Variants in TUBE1 observed in about 807,000 individuals in gnomAD.
TUBE1 encodes the protein tubulin epsilon chain.
In TUBE1, 34 loss-of-function variants were observed where a neutral mutation model predicts 53.5. The observed-to-expected ratio is 0.64, with a 90% CI of 0.48 to 0.85. The LOEUF (loss-of-function observed/expected upper bound fraction) is 0.85. TUBE1 is among the 40% of genes least tolerant of loss of function. The pLI, the probability that TUBE1 is intolerant of heterozygous loss-of-function variation, is 0.00. For missense variants in TUBE1, 532 were observed against 570.5 expected (o/e 0.93, Z 0.69); for synonymous variants, 177 against 198.4 (o/e 0.89, Z 0.91).
chr6:112,085,587 G>T (rs1377726208), intron 3 of TUBE1: 2 of 454,474 alleles, frequency 4.4e-6, no homozygotes, highest in Non-Finnish European at 9.1e-6. Context: ...GGATATTGTG[G>T]GCTACAAATA....
chr6:112,075,392 T>G (rs1554315903), intron 8 of TUBE1: 1 of 152,326 alleles, frequency 6.6e-6, no homozygotes, highest in African/African-American at 2.4e-5. Context: ...GTGTAATCAA[T>G]ATACTATTAT....
chr6:112,085,938 A>G (rs1583599849), intron 3 of TUBE1, among the ~76,000 whole-genome samples: 2 of 152,336 alleles, frequency 1.3e-5, no homozygotes, highest in Admixed American at 6.5e-5. Context: ...AACTGCTCAC[A>G]CACCCAGCCA....
At chr6:112,077,630 A>T (rs1776994462) in intron 6 of TUBE1, 1 of 152,176 alleles carries the variant, frequency 6.6e-6, no homozygotes. Flanking sequence ...CCAATGTTCT[A>T]ATCCATGCAG....
chr6:112,080,310 A>G (rs1163923390), intron 5 of TUBE1, among the ~76,000 whole-genome samples: 1 of 152,088 alleles, frequency 6.6e-6, no homozygotes, highest in Admixed American at 6.5e-5. Context: ...AAATTTGCAA[A>G]TATCACTATG....
At chr6:112,079,993 G>A (rs1583596148) in intron 5 of TUBE1, among the ~76,000 whole-genome samples, 1 of 151,532 alleles carries the variant, frequency 6.6e-6, no homozygotes, top group African/African-American at 2.4e-5. Context: ...CTCATTAGTA[G>A]TGAATATTAA....
In TUBE1 at chr6:112,076,380, A is replaced by G; in HGVS notation, c.578T>C (p.Ile193Thr). The G allele has an allele frequency of 6.2e-7, 1 of 1,609,452 alleles. No individual in the cohort carries two copies. The highest frequency in any genetic ancestry group is 8.5e-7 in the Non-Finnish European group (1 of 1,178,164). ...DDVITSPYNS[I>T]LAMKELNEHA... Reference sequence around the variant, plus strand: ...CTCATTAAGTTCCTTCATTGCCAAGATGCTATTATAAGGTGAGGTTATGAC... The same window carrying G: ...CTCATTAAGTTCCTTCATTGCCAAGGTGCTATTATAAGGTGAGGTTATGAC... Residue 193 changes from isoleucine to threonine, a missense_variant, in exon 7 of 12, where the codon ATC (isoleucine) becomes ACC (threonine). Ile to Thr is a moderately conservative substitution (Grantham distance 89). Coordinates refer to ENST00000368662, the MANE Select transcript of TUBE1 (RefSeq NM_016262.5).
chr6:112,074,601 A>G, intron 9 of TUBE1, 109 bp downstream of exon 9: 3 of 751,176 alleles, frequency 4.0e-6, no homozygotes, highest in African/African-American at 1.8e-5. Flanking sequence ...ACTCTCACAG[A>G]TAAGATGATA....
rs587648101 is a variant in TUBE1, at chr6:112,075,986, A to G, written c.763T>C (p.Phe255Leu). 3 of 1,613,882 alleles carry G rather than the reference A, an allele frequency of 1.9e-6. No homozygotes were observed. In the South Asian group the frequency reaches 3.3e-5, roughly 18 times the overall value. Residue 255 changes from phenylalanine (F) to leucine (L), a missense_variant, in exon 8 of 12, where the codon TTT becomes CTT. Phe to Leu is a conservative substitution (Grantham distance 22). Coordinates refer to ENST00000368662, the MANE Select transcript of TUBE1 (RefSeq NM_016262.5). ...GCCACAATGTTATTCATTGCATCAA[A>G]GGGCTTCTTATGCTGCTTTTTTAAA... ...GALKKQHKKP[F>L]DAMNNIVANL... is the part of the protein sequence containing the mutation.
intron 9 of TUBE1, among the ~76,000 whole-genome samples, chr6:112,074,124 C>T (rs1454225182): frequency 5.3e-5 from 8 of 152,230 alleles, no homozygotes; most frequent in Admixed American, 2.6e-4. Context: ...GTGAATGCCA[C>T]TGTGAACTTT....
At chr6:112,081,336 C>T (rs1230544037) in intron 4 of TUBE1, 129 bp from the exon 5 acceptor site, 12 of 433,236 alleles carry the variant, frequency 2.8e-5, no homozygotes, top group Admixed American at 4.2e-5. Context: ...AAAATCTTTA[C>T]GTAGAATCTG....
At chr6:112,071,877 A>C (rs373864216) in intron 11 of TUBE1, 25 bp downstream of exon 11, 1 of 1,563,814 alleles carries the variant, frequency 6.4e-7, no homozygotes, top group Non-Finnish European at 8.6e-7. Flanking sequence ...AAACACATAC[A>C]GTTACAAAGC....
Position 112,072,067 on chromosome 6 carries a change from T to A in TUBE1, c.1104A>T (p.Pro368=). ...GATTCCAGGAGACAAATTGTAGAGA[T>A]GGTTTTAATCTGAGATTAAAAAAAA... The part of the protein sequence containing the change: ...DLRRNIERLK[P]SLQFVSWNQE... The change falls in exon 11 of 12, where the codon CCA becomes CCT. Residue 368 remains proline (P), a synonymous_variant. Coordinates refer to ENST00000368662, the MANE Select transcript of TUBE1 (RefSeq NM_016262.5). 6.3e-7 allele frequency: 1 copy of A among 1,590,626 alleles called. No homozygotes were observed. Among genetic ancestry groups the A allele is most frequent in the African/African-American group, 1.4e-5 (1 of 73,000 alleles).
rs967480887 is a variant in TUBE1, at chr6:112,071,828, T to C, written c.1269+74A>G. Reference sequence around the variant, plus strand: ...AGAAAACATCACCCCTGATTTGTAATAGTGTAATTTTTAAGAATACATCTT... The same window carrying C: ...AGAAAACATCACCCCTGATTTGTAACAGTGTAATTTTTAAGAATACATCTT... On this transcript the variant is annotated intron_variant, in intron 11 of 11. Transcript: ENST00000368662. 2.5e-5 allele frequency: 35 copies of C among 1,382,788 alleles called. No homozygotes were observed. The African/African-American group carries it at 5.0e-4, about 20-fold the overall frequency. The allele number at this position is 1,382,788 out of a possible 1,614,324, so 85.7% of individuals were successfully genotyped here.
At chr6:112,076,562 G>C in intron 6 of TUBE1, 53 bp from the exon 7 acceptor site, 4 of 1,459,060 alleles carry the variant, frequency 2.7e-6, no homozygotes, top group Non-Finnish European at 3.7e-6. Context: ...GAATATAATT[G>C]TGAAGAATTT....
chr6:112,081,937 T>C (rs1255607290), intron 4 of TUBE1, among the ~76,000 whole-genome samples: 3 of 150,748 alleles, frequency 2.0e-5, no homozygotes, highest in Non-Finnish European at 4.4e-5. Context: ...GGAAGAAGAG[T>C]AAAAAAGTAA....
At chr6:112,074,348 T>C (rs1188192076) in intron 9 of TUBE1, among the ~76,000 whole-genome samples, 9 of 143,822 alleles carry the variant, frequency 6.3e-5, no homozygotes, top group Non-Finnish European at 1.3e-4. Flanking sequence ...CCAATAAGTA[T>C]ATGAGGTAGG....
At position 112,071,537 on chromosome 6, in the gene TUBE1, T is replaced by A. The variant is rs782541513; in HGVS notation, c.1303A>T (p.Met435Leu). 6.2e-7 allele frequency: 1 copy of A among 1,611,788 alleles called. No individual in the cohort carries two copies. Among genetic ancestry groups the A allele is most frequent in the African/African-American group, 1.3e-5 (1 of 74,998 alleles). The change falls in exon 12 of 12, where the codon ATG (methionine) becomes TTG (leucine). Residue 435 changes from methionine to leucine, a missense_variant. By Grantham distance (15) the Met-to-Leu change is conservative (BLOSUM62 2). Transcript: ENST00000368662. ...HLHHYLQVEG[M>L]EESCFTEAVS... Reference sequence around the variant, plus strand: ...GCTTCTGTGAAACAGCTTTCTTCCATCCCTTCAACTTGTAGATAGTGATGA... The same window carrying A: ...GCTTCTGTGAAACAGCTTTCTTCCAACCCTTCAACTTGTAGATAGTGATGA...
rs368428375 is a variant in TUBE1 at position 112,079,619 on chromosome 6, G to A, written c.448+14C>T. On this transcript the variant is annotated intron_variant, in intron 6 of 11. Coordinates refer to ENST00000368662, the MANE Select transcript of TUBE1 (RefSeq NM_016262.5). ...CTTTAACACTGTTACAGGCAAATGA[G>A]TGAAAAATTTTACCTCCTCCCATGG... is the stretch of plus-strand genomic sequence containing the variant. 1 of 1,610,668 alleles carries A rather than the reference G, an allele frequency of 6.2e-7. No individual in the cohort carries two copies. The highest frequency in any genetic ancestry group is 8.5e-7 in the Non-Finnish European group (1 of 1,178,480).
Position 112,071,550 on chromosome 6 carries a change from T to C in TUBE1, c.1290A>G (p.Leu430=), listed in dbSNP as rs73541416. 389 of 1,610,648 alleles carry C rather than the reference T, an allele frequency of 2.4e-4. 1 individual carries two copies. The African/African-American group carries it at 4.7e-3, about 19-fold the overall frequency. ...YKKKAHLHHY[L]QVEGMEESCF... ...AGCTTTCTTCCATCCCTTCAACTTGTAGATAGTGATGAAGGTGAGCCTATA... is the reference window on the plus strand; with the variant it reads ...AGCTTTCTTCCATCCCTTCAACTTGCAGATAGTGATGAAGGTGAGCCTATA... The change falls in exon 12 of 12, where the codon CTA becomes CTG. Residue 430 remains leucine, a synonymous_variant. Coordinates refer to ENST00000368662, the MANE Select transcript of TUBE1 (RefSeq NM_016262.5).
Sources: gnomAD v4.1 joint callset for allele counts (sites outside exome capture counted in the v4.1 genomes callset) on GRCh38, gnomAD v4.1.1 for gene constraint, MANE v1.5 for transcripts, NCBI Gene and HGNC (gene_info 2026-07-23, HGNC 2026-07-21) for gene names.